INO80: variants seen among roughly 807,000 people sequenced by gnomAD.
INO80 encodes INO80 complex ATPase subunit, also known as chromatin-remodeling ATPase INO80.
In INO80, 20 loss-of-function variants were observed where a neutral mutation model predicts 203.4. That is an observed-to-expected ratio of 0.10 (90% CI 0.07 to 0.14). The LOEUF (loss-of-function observed/expected upper bound fraction) is 0.14, where lower values mean the gene tolerates loss of function less well. INO80 is among the 10% of genes least tolerant of loss of function. INO80 has a pLI of 1.00. For missense variants in INO80, 1,419 were observed against 1,914.4 expected (o/e 0.74, Z 4.83); for synonymous variants, 726 against 685.2 (o/e 1.06, Z -0.93).
At chr15:41,095,529 T>G (rs916128162) in intron 4 of INO80, 72 bp downstream of exon 4, 5 of 1,057,450 alleles carry the variant, frequency 4.7e-6, no homozygotes, top group Non-Finnish European at 7.2e-6. Context: ...CCAAAATGAG[T>G]TGATAACTTT....
chr15:41,115,309 T>C (rs975560687), intron 1 of INO80, among the ~76,000 whole-genome samples: 4 of 152,186 alleles, frequency 2.6e-5, no homozygotes, highest in African/African-American at 7.2e-5. Context: ...GCCTCGGAGA[T>C]TACGGAAGTA....
In INO80 at chr15:41,102,571, G is replaced by A. The variant is rs142382131; in HGVS notation, c.-43-6218C>T. 8.4e-4 allele frequency among the ~76,000 whole-genome samples: 128 copies of A among 152,160 alleles called. 1 individual carries two copies. The highest frequency in any genetic ancestry group is 3.0e-3 in the African/African-American group (124 of 41,508). On this transcript the variant is annotated intron_variant, in intron 1 of 35. Coordinates refer to ENST00000648947, the MANE Select transcript of INO80 (RefSeq NM_017553.3). ...TGTAGTCCCAGCAACTTGGGAGCCT[G>A]AGGCAGGAGAATCGCTTGAACCTGG...
chr15:41,044,441 G>T (rs1171035069), intron 24 of INO80, among the ~76,000 whole-genome samples: 2 of 152,110 alleles, frequency 1.3e-5, no homozygotes, highest in Non-Finnish European at 2.9e-5. Context: ...AGTTACAAAA[G>T]AGTACATACA....
In INO80 at chr15:41,069,659, T is replaced by C. The variant is rs1398698964; in HGVS notation, c.1693A>G (p.Asn565Asp). The change falls in exon 14 of 36, where the codon AAC (asparagine) becomes GAC (aspartate). Residue 565 changes from asparagine to aspartate, a missense_variant. Asn to Asp is a conservative substitution (Grantham distance 23). Coordinates refer to ENST00000648947, the MANE Select transcript of INO80 (RefSeq NM_017553.3). Reference sequence around the variant, plus strand: ...ATTATTAAGAAAGGTCCCCAAATGTTCTCTCTCTGCAACAGAAAAACCCAG... The same window carrying C: ...ATTATTAAGAAAGGTCCCCAAATGTCCTCTCTCTGCAACAGAAAAACCCAG... Reference protein sequence around the residue: ...ALLAHLAERENIWGPFLIISP... With the variant: ...ALLAHLAEREDIWGPFLIISP... 1.9e-6 allele frequency: 3 copies of C among 1,601,786 alleles called. No individual in the cohort carries two copies. The South Asian group carries it at 3.3e-5, about 18-fold the overall frequency.
At chr15:41,083,526 C>A (rs563881430) in intron 7 of INO80, among the ~76,000 whole-genome samples, 13 of 151,350 alleles carry the variant, frequency 8.6e-5, no homozygotes, top group South Asian at 4.2e-4. Flanking sequence ...ACCAACATGG[C>A]GAAACCTCGT....
intron 31 of INO80, 29 bp from the exon 32 acceptor site, chr15:40,985,455 G>C: frequency 6.7e-7 from 1 of 1,490,332 alleles, no homozygotes; most frequent in African/African-American, 1.4e-5. Flanking sequence ...AAGACCTGAT[G>C]AAGTACCTGT....
At chr15:41,022,590 G>A (rs551908423) in intron 25 of INO80, among the ~76,000 whole-genome samples, 3 of 152,254 alleles carry the variant, frequency 2.0e-5, no homozygotes, top group African/African-American at 4.8e-5. Flanking sequence ...GGGTACCAAC[G>A]TGACAGAAAG....
intron 12 of INO80, among the ~76,000 whole-genome samples, chr15:41,071,408 T>TA (rs1255746008): frequency 6.6e-6 from 1 of 151,882 alleles, no homozygotes; most frequent in Non-Finnish European, 1.5e-5. Flanking sequence ...TACAGCTTTT[T>TA]AAAAGGGTGA....
intron 1 of INO80, among the ~76,000 whole-genome samples, chr15:41,099,846 A>T (rs2045781749): frequency 6.6e-6 from 1 of 152,174 alleles, no homozygotes; most frequent in African/African-American, 2.4e-5. Context: ...CCACTCCAGA[A>T]GATTTCAAAG....
chr15:41,042,133 C>G (rs2044679065), intron 24 of INO80, among the ~76,000 whole-genome samples: 1 of 151,638 alleles, frequency 6.6e-6, no homozygotes, highest in Non-Finnish European at 1.5e-5. Context: ...CTACCTCAGG[C>G]TCCTGAGTAG....
At chr15:40,986,051 T>G (rs1566899335) in intron 31 of INO80, among the ~76,000 whole-genome samples, 2 of 152,206 alleles carry the variant, frequency 1.3e-5, no homozygotes, top group East Asian at 3.8e-4. Context: ...GAACTTACTT[T>G]CTGCTCTAAT....
At chr15:41,074,651 C>A in intron 9 of INO80, 86 bp from the exon 10 acceptor site, 2 of 870,038 alleles carry the variant, frequency 2.3e-6, no homozygotes, top group Non-Finnish European at 3.5e-6. Flanking sequence ...TATTTGCATA[C>A]AATTCCTTTA....
chr15:40,994,679 T>C (rs537984774), intron 29 of INO80, among the ~76,000 whole-genome samples: 14 of 152,118 alleles, frequency 9.2e-5, no homozygotes, highest in Non-Finnish European at 2.1e-4. Context: ...ATTATCAGTA[T>C]TTTTTCCATT....
intron 16 of INO80, among the ~76,000 whole-genome samples, chr15:41,057,065 A>T (rs1226496016): frequency 6.6e-6 from 1 of 152,198 alleles, no homozygotes; most frequent in Non-Finnish European, 1.5e-5. Context: ...CAAAATTATT[A>T]ATCTGTGCAC....
At chr15:41,061,379 G>A (rs892572338) in intron 14 of INO80, among the ~76,000 whole-genome samples, 1 of 150,400 alleles carries the variant, frequency 6.6e-6, no homozygotes. Flanking sequence ...GGCCAAAGCA[G>A]GTGGATCACG....
chr15:40,985,763 G>C (rs1322786613), intron 31 of INO80, among the ~76,000 whole-genome samples: 32 of 152,022 alleles, frequency 2.1e-4, no homozygotes, highest in Admixed American at 2.1e-3. Flanking sequence ...ACAAAAATTA[G>C]CCAGGCACAG....
At chr15:40,984,925 C>T (rs1033914185) in intron 32 of INO80, among the ~76,000 whole-genome samples, 5 of 151,952 alleles carry the variant, frequency 3.3e-5, no homozygotes, top group East Asian at 1.9e-4. Flanking sequence ...AGAAATAAAC[C>T]GGGGGTTTAT....
At chr15:41,112,052 C>T (rs1203511420) in intron 1 of INO80, among the ~76,000 whole-genome samples, 6 of 152,008 alleles carry the variant, frequency 3.9e-5, no homozygotes, top group African/African-American at 1.2e-4. Context: ...TATAGGCACA[C>T]GCCACCCTAG....
chr15:41,079,493 T>G (rs571314371), intron 9 of INO80, among the ~76,000 whole-genome samples: 7 of 147,798 alleles, frequency 4.7e-5, no homozygotes, highest in Middle Eastern at 3.6e-3. Context: ...TTTCTGACGG[T>G]AGGAGATCAA....
Sources: gnomAD v4.1 joint callset for allele counts (sites outside exome capture counted in the v4.1 genomes callset) on GRCh38, gnomAD v4.1.1 for gene constraint, MANE v1.5 for transcripts, NCBI Gene and HGNC (gene_info 2026-07-23, HGNC 2026-07-21) for gene names.